Variants in MOV10L1 observed in about 807,000 individuals in gnomAD.
MOV10L1 encodes Mov10 like RNA helicase 1.
A neutral mutation model predicts 143.8 loss-of-function variants in MOV10L1; 110 were observed. The observed-to-expected ratio is 0.76, with a 90% CI of 0.66 to 0.90. The LOEUF (loss-of-function observed/expected upper bound fraction) is 0.90. Among genes scored for constraint, MOV10L1 ranks in the 40% least tolerant of loss-of-function variants. MOV10L1 has a pLI of 0.00. For synonymous variants in MOV10L1, 593 were observed against 581.1 expected, an observed-to-expected ratio of 1.02 and a Z score of -0.29; for missense variants, 1,406 against 1,526.8, an observed-to-expected ratio of 0.92 and a Z score of 1.32.
chr22:50,108,096 C>T, intron 3 of MOV10L1, 40 bp from the exon 4 acceptor site: 1 of 1,566,054 alleles, frequency 6.4e-7, no homozygotes, highest in Non-Finnish European at 8.8e-7. Flanking sequence ...ATAACTTGTG[C>T]ACTTTAACAC....
At position 50,127,151 on chromosome 22, in the gene MOV10L1, C is replaced by A. The variant is rs80156036; in HGVS notation, c.1818+879C>A. 1.4e-4 allele frequency among the ~76,000 whole-genome samples: 22 copies of A among 152,142 alleles called. No homozygotes were observed. The East Asian group carries it at 2.1e-3, about 15-fold the overall frequency. ...GTTGACATGAGGAGCCCAAGATGGC[C>A]GAATGACCATCTTAGCCTCCTAGAC... On this transcript the variant is annotated intron_variant, in intron 12 of 26. Coordinates refer to ENST00000262794, the MANE Select transcript of MOV10L1 (RefSeq NM_018995.3).
chr22:50,150,289 T>C (rs2063262152), intron 20 of MOV10L1, among the ~76,000 whole-genome samples: 2 of 151,662 alleles, frequency 1.3e-5, no homozygotes, highest in Admixed American at 1.3e-4. Flanking sequence ...GGGCGGAGCA[T>C]GAAGGTGACG....
chr22:50,090,517 GTC>G lies in MOV10L1; in HGVS notation c.97+334_97+335del, dbSNP rs778617060. The G allele has an allele frequency of 7.5e-6, 12 of 1,608,034 alleles. No homozygotes were observed. The African/African-American group carries it at 1.6e-4, about 21-fold the overall frequency. On this transcript the variant is annotated intron_variant, in intron 1 of 26. Transcript: ENST00000262794. The stretch of plus-strand genomic sequence containing the variant: ...TCCGCAGCGTCATTGGCGGTGGTGT[GTC>G]TAGAAAGCCCCGAAAAACGCGGCCC...
intron 19 of MOV10L1, chr22:50,149,386 T>C (rs370977324): frequency 4.6e-5 from 25 of 543,888 alleles, no homozygotes; most frequent in Middle Eastern, 9.7e-4. Context: ...TCTCTAGAAA[T>C]ACAGACGCTG....
chr22:50,119,958 T>A (rs2062292204), intron 9 of MOV10L1, among the ~76,000 whole-genome samples: 1 of 152,144 alleles, frequency 6.6e-6, no homozygotes, highest in Non-Finnish European at 1.5e-5. Context: ...GTCTGTCCCT[T>A]TCCCATTGTT....
At chr22:50,127,923 G>A (rs1011785322) in intron 12 of MOV10L1, among the ~76,000 whole-genome samples, 5 of 151,854 alleles carry the variant, frequency 3.3e-5, no homozygotes, top group African/African-American at 1.2e-4. Flanking sequence ...CAGGTGCCCA[G>A]CACCACGCCT....
At chr22:50,106,684 GT>G (rs1286381570) in intron 3 of MOV10L1, among the ~76,000 whole-genome samples, 5 of 148,910 alleles carry the variant, frequency 3.4e-5, no homozygotes, top group Non-Finnish European at 7.4e-5. Flanking sequence ...TTAAATTGTG[GT>G]TTTAGGACAT....
At chr22:50,097,960 A>G (rs1401387057) in intron 2 of MOV10L1, among the ~76,000 whole-genome samples, 1 of 151,998 alleles carries the variant, frequency 6.6e-6, no homozygotes, top group Non-Finnish European at 1.5e-5. Context: ...CAGCCTCCCA[A>G]GTAGCTGGGA....
intron 13 of MOV10L1, among the ~76,000 whole-genome samples, chr22:50,130,951 C>T (rs936429699): frequency 2.0e-5 from 3 of 152,152 alleles, no homozygotes; most frequent in African/African-American, 7.2e-5. Context: ...GGCTGGAGTG[C>T]AGTGGCACGA....
At chr22:50,102,480 G>C (rs962092741) in intron 3 of MOV10L1, among the ~76,000 whole-genome samples, 1 of 152,234 alleles carries the variant, frequency 6.6e-6, no homozygotes, top group African/African-American at 2.4e-5. Flanking sequence ...GCTTGTGGGA[G>C]AGTCAGAAGA....
intron 4 of MOV10L1, 173 bp downstream of exon 4, chr22:50,108,421 CAAT>C: frequency 1.3e-6 from 1 of 777,470 alleles, no homozygotes; most frequent in Non-Finnish European, 2.2e-6. Context: ...CGTTTGGAAA[CAAT>C]AACTCCTAGT....
intron 15 of MOV10L1, among the ~76,000 whole-genome samples, chr22:50,138,531 C>T (rs1382421215): frequency 6.7e-6 from 1 of 150,324 alleles, no homozygotes; most frequent in Non-Finnish European, 1.5e-5. Context: ...ACACTCCAGC[C>T]TGAGTGATGA....
At chr22:50,156,768 A>G (rs1412794639) in intron 22 of MOV10L1, among the ~76,000 whole-genome samples, 1 of 152,220 alleles carries the variant, frequency 6.6e-6, no homozygotes. Flanking sequence ...GTATCAGTTC[A>G]TCTATCAGTG....
chr22:50,105,010 G>C (rs1226479970), intron 3 of MOV10L1, among the ~76,000 whole-genome samples: 3 of 151,474 alleles, frequency 2.0e-5, no homozygotes, highest in Non-Finnish European at 4.4e-5. Flanking sequence ...TCCCACCTCA[G>C]CCTCCCTAGT....
intron 19 of MOV10L1, among the ~76,000 whole-genome samples, chr22:50,148,865 C>G (rs1003969644): frequency 1.3e-5 from 2 of 152,126 alleles, no homozygotes; most frequent in Non-Finnish European, 2.9e-5. Flanking sequence ...GGGGTTTCAC[C>G]GTGTTAGCCA....
At chr22:50,124,668 A>T (rs1217386048) in intron 10 of MOV10L1, among the ~76,000 whole-genome samples, 2 of 152,172 alleles carry the variant, frequency 1.3e-5, no homozygotes, top group Non-Finnish European at 2.9e-5. Context: ...TGGGTTTTGC[A>T]GGATGGTGTC....
intron 15 of MOV10L1, among the ~76,000 whole-genome samples, chr22:50,137,557 T>G (rs2062853800): frequency 6.6e-6 from 1 of 151,650 alleles, no homozygotes; most frequent in Non-Finnish European, 1.5e-5. Flanking sequence ...GAAAAAAAAT[T>G]AGCTGGGTGT....
At chr22:50,155,908 G>A (rs1041868510) in intron 22 of MOV10L1, among the ~76,000 whole-genome samples, 3 of 152,054 alleles carry the variant, frequency 2.0e-5, no homozygotes, top group Non-Finnish European at 2.9e-5. Context: ...AAAATTATCC[G>A]GTCATGGTGG....
At chr22:50,115,560 A>G (rs2062150625) in intron 8 of MOV10L1, among the ~76,000 whole-genome samples, 2 of 152,202 alleles carry the variant, frequency 1.3e-5, no homozygotes, top group South Asian at 2.1e-4. Flanking sequence ...CAAAAAAACA[A>G]AAAGGTACAC....
Sources: gnomAD v4.1 joint callset for allele counts (sites outside exome capture counted in the v4.1 genomes callset) on GRCh38, gnomAD v4.1.1 for gene constraint, MANE v1.5 for transcripts, NCBI Gene and HGNC (gene_info 2026-07-23, HGNC 2026-07-21) for gene names.